Variants in ICA1 observed in about 807,000 individuals in gnomAD.
ICA1 encodes islet cell autoantigen 1.
A neutral mutation model predicts 71.0 loss-of-function variants in ICA1; 40 were observed. The ratio of observed to expected loss-of-function variants is 0.56; its 90% CI spans 0.44 to 0.73. The LOEUF (loss-of-function observed/expected upper bound fraction) is 0.73. ICA1 is among the 30% of genes least tolerant of loss of function. ICA1 has a pLI of 0.00. For synonymous variants in ICA1, 207 were observed against 209.5 expected (o/e 0.99, Z 0.10); for missense variants, 578 against 576.5 (o/e 1.00, Z -0.03).
chr7:8,156,876 A>C (rs1801718362), intron 8 of ICA1: 1 of 1,518,792 alleles, frequency 6.6e-7, no homozygotes, highest in Non-Finnish European at 8.8e-7. Context: ...TTCAAGGTTC[A>C]ATTCGCGCTT....
At chr7:8,154,008 T>C (rs1033332383) in intron 8 of ICA1, among the ~76,000 whole-genome samples, 1 of 151,716 alleles carries the variant, frequency 6.6e-6, no homozygotes, top group East Asian at 1.9e-4. Flanking sequence ...TTTTAAATAT[T>C]AAATTTCAAA....
rs1786727261 is a variant in ICA1 at position 8,121,039 on chromosome 7, T to TA, written c.1330+6833dup. Among the ~76,000 whole-genome samples, 3 of 152,298 alleles carry TA rather than the reference T, an allele frequency of 2.0e-5. No homozygotes were observed. In the South Asian group the frequency reaches 6.2e-4, roughly 32 times the overall value. ...AGTTTCCATGCCTGCAAGGGGTAGA[T>TA]AAAATGTCCTGCTTCATTTGGGGGT... On this transcript the variant is annotated intron_variant, in intron 13 of 13. Transcript: ENST00000402384.
chr7:8,194,255 G>C (rs1786654823), intron 6 of ICA1, among the ~76,000 whole-genome samples: 1 of 152,146 alleles, frequency 6.6e-6, no homozygotes, highest in South Asian at 2.1e-4. Flanking sequence ...CCCTGAATCA[G>C]AATCTTTGGG....
chr7:8,154,796 T>C (rs2128182566), intron 8 of ICA1, among the ~76,000 whole-genome samples: 1 of 152,352 alleles, frequency 6.6e-6, no homozygotes, highest in East Asian at 1.9e-4. Flanking sequence ...TGTATTTTAC[T>C]GTGATACATT....
At chr7:8,186,940 T>A (rs1010595396) in intron 6 of ICA1, among the ~76,000 whole-genome samples, 1 of 152,278 alleles carries the variant, frequency 6.6e-6, no homozygotes, top group South Asian at 2.1e-4. Context: ...ATTTATTTTA[T>A]ATATCAAACA....
chr7:8,251,308 C>T (rs116627486), intron 1 of ICA1, among the ~76,000 whole-genome samples: 1,725 of 151,656 alleles, frequency 0.011, 34 homozygotes, highest in African/African-American at 0.039. Flanking sequence ...AATCACATTC[C>T]TAAAGTATGT....
At chr7:8,136,179 G>A (rs1793339203) in intron 12 of ICA1, among the ~76,000 whole-genome samples, 5 of 152,276 alleles carry the variant, frequency 3.3e-5, no homozygotes, top group Admixed American at 3.3e-4. Flanking sequence ...GGCTCTTTGA[G>A]AATCGTTGCT....
At chr7:8,182,021 A>G (rs1782334035) in intron 6 of ICA1, among the ~76,000 whole-genome samples, 1 of 152,164 alleles carries the variant, frequency 6.6e-6, no homozygotes, top group Admixed American at 6.5e-5. Context: ...GAAAAACTCA[A>G]TGCTCCAGTC....
At chr7:8,135,529 G>A (rs887177247) in intron 12 of ICA1, among the ~76,000 whole-genome samples, 1 of 152,326 alleles carries the variant, frequency 6.6e-6, no homozygotes, top group East Asian at 1.9e-4. Flanking sequence ...CTTCGTATGC[G>A]AGGAAGCAGT....
intron 6 of ICA1, among the ~76,000 whole-genome samples, chr7:8,216,290 T>C (rs1031333754): frequency 7.9e-5 from 12 of 152,152 alleles, no homozygotes; most frequent in African/African-American, 2.7e-4. Flanking sequence ...TTTCTGTCCT[T>C]GTGGAGAGTC....
intron 8 of ICA1, among the ~76,000 whole-genome samples, chr7:8,156,274 C>T (rs1005079099): frequency 6.6e-6 from 1 of 152,304 alleles, no homozygotes; most frequent in African/African-American, 2.4e-5. Flanking sequence ...AATGTTTTAA[C>T]GTCTTGTCAA....
chr7:8,141,678 G>A, intron 10 of ICA1, 87 bp downstream of exon 10: 1 of 782,228 alleles, frequency 1.3e-6, no homozygotes, highest in South Asian at 1.7e-5. Context: ...AAAGGCCTAG[G>A]AGGAGTTTGT....
intron 6 of ICA1, among the ~76,000 whole-genome samples, chr7:8,194,282 G>C (rs181577129): frequency 6.6e-6 from 1 of 152,098 alleles, no homozygotes; most frequent in African/African-American, 2.4e-5. Flanking sequence ...GGGTTGGAGA[G>C]ACCAAATGTA....
At chr7:8,180,335 T>C (rs1426670987) in intron 6 of ICA1, among the ~76,000 whole-genome samples, 1 of 152,186 alleles carries the variant, frequency 6.6e-6, no homozygotes, top group Non-Finnish European at 1.5e-5. Flanking sequence ...CAGTCATCCA[T>C]AGTACTGCAA....
chr7:8,243,633 G>T lies in ICA1; in HGVS notation c.-79-7628C>A, dbSNP rs544489158. Among the ~76,000 whole-genome samples, 5 of 152,316 alleles carry T rather than the reference G, an allele frequency of 3.3e-5. 1 individual carries two copies. Among genetic ancestry groups the T allele is most frequent in the Admixed American group, 2.6e-4 (4 of 15,304 alleles). On this transcript the variant is annotated intron_variant, in intron 1 of 13. Transcript: ENST00000402384. ...GAAAAGAAGAAGTCTAATTGTCCCT[G>T]TTTGCAGATGACATGATTGTATATT...
At chr7:8,227,794 C>A in intron 4 of ICA1, 1 of 428,686 alleles carries the variant, frequency 2.3e-6, no homozygotes, top group Non-Finnish European at 4.7e-6. Flanking sequence ...CTTTGTTGCC[C>A]AGGCTGGTCT....
intron 6 of ICA1, among the ~76,000 whole-genome samples, chr7:8,202,877 T>C (rs1398254314): frequency 2.5e-5 from 3 of 121,070 alleles, no homozygotes; most frequent in African/African-American, 9.4e-5. Flanking sequence ...ACCGCACGAA[T>C]GGGGGAAAAT....
At chr7:8,155,907 C>G (rs1462197816) in intron 8 of ICA1, among the ~76,000 whole-genome samples, 1 of 152,182 alleles carries the variant, frequency 6.6e-6, no homozygotes, top group Non-Finnish European at 1.5e-5. Flanking sequence ...AAACATTTGG[C>G]TAGACAAAAG....
rs992087951 is a variant in ICA1 at position 8,234,437 on chromosome 7, A to G, written c.17+1473T>C. Among the ~76,000 whole-genome samples, 3 of 152,096 alleles carry G rather than the reference A, an allele frequency of 2.0e-5. No individual in the cohort carries two copies. The highest frequency in any genetic ancestry group is 2.0e-4 in the Admixed American group (3 of 15,270). On this transcript the variant is annotated intron_variant, in intron 2 of 13. Coordinates refer to ENST00000402384, the MANE Select transcript of ICA1 (RefSeq NM_001136020.3). The surrounding 1 kb of genome is among the most constrained non-coding windows in gnomAD (Gnocchi z 4.5). ...AGGCAACTCTCCTCTGTGGAGATGT[A>G]CTTTCCTCTACCCCATCCCATCACC...
Sources: allele counts gnomAD v4.1 joint callset (sites outside exome capture counted in the v4.1 genomes callset), GRCh38; gene constraint gnomAD v4.1.1; non-coding constraint Gnocchi (gnomAD v3.1); transcripts MANE v1.5; gene names NCBI Gene and HGNC (gene_info 2026-07-23, HGNC 2026-07-21).